Variants in EPHA6 observed in about 807,000 individuals in gnomAD.
EPHA6 encodes the protein EPH receptor A6.
In EPHA6, 50 loss-of-function variants were observed where a neutral mutation model predicts 112.0. The ratio of observed to expected loss-of-function variants is 0.45; its 90% CI spans 0.36 to 0.56. The LOEUF (loss-of-function observed/expected upper bound fraction) is 0.56, where lower values mean the gene tolerates loss of function less well. Ranked by LOEUF, EPHA6 falls within the 20% of genes least tolerant of loss-of-function variation. The probability of loss-of-function intolerance (pLI) is 0.00; values close to 1 mark genes in which losing one functional copy is unlikely to be tolerated. For missense variants in EPHA6, 1,280 were observed against 1,417.4 expected (o/e 0.90, Z 1.56); for synonymous variants, 529 against 490.7 (o/e 1.08, Z -1.03).
chr3:97,477,432 G>GAA (rs1414855230), intron 8 of EPHA6, among the ~76,000 whole-genome samples: 1,846 of 129,996 alleles, frequency 0.014, 35 homozygotes, highest in African/African-American at 0.048. Context: ...AAGAGAAAGA[G>GAA]AGAGGAAGGG....
chr3:97,324,424 T>TCTTTCTTTCTTC (rs1559883717), intron 5 of EPHA6, among the ~76,000 whole-genome samples: 1 of 144,486 alleles, frequency 6.9e-6, no homozygotes, highest in Non-Finnish European at 1.5e-5. Flanking sequence ...TTTCTTTCTT[T>TCTTTCTTTCTTC]CTTTCTTTCT....
intron 10 of EPHA6, among the ~76,000 whole-genome samples, chr3:97,510,396 TG>T (rs1366994124): frequency 6.6e-5 from 10 of 152,196 alleles, no homozygotes; most frequent in African/African-American, 2.4e-4. Flanking sequence ...TTGTTGGTGT[TG>T]ATGCTACTCC....
intron 14 of EPHA6, among the ~76,000 whole-genome samples, chr3:97,643,678 A>T (rs1051350007): frequency 2.6e-5 from 4 of 152,092 alleles, no homozygotes; most frequent in Admixed American, 1.3e-4. Context: ...ACCAACAAAG[A>T]TCAAAAGAGA....
chr3:97,121,626 A>G (rs1437314597), intron 3 of EPHA6, among the ~76,000 whole-genome samples: 7 of 152,088 alleles, frequency 4.6e-5, no homozygotes, highest in African/African-American at 1.7e-4. Context: ...CCTTGCTCAA[A>G]GGCAGACACT....
At chr3:97,713,793 AG>A (rs1290747171) in intron 14 of EPHA6, among the ~76,000 whole-genome samples, 3 of 152,244 alleles carry the variant, frequency 2.0e-5, no homozygotes, top group Admixed American at 2.0e-4. Context: ...AATCCTTATC[AG>A]GCTGGTCAAG....
At chr3:97,598,223 A>G (rs2093610632) in intron 12 of EPHA6, among the ~76,000 whole-genome samples, 1 of 151,674 alleles carries the variant, frequency 6.6e-6, no homozygotes, top group African/African-American at 2.4e-5. Flanking sequence ...TTATTTAAAA[A>G]CAAGAGATGA....
intron 5 of EPHA6, among the ~76,000 whole-genome samples, chr3:97,330,243 A>C (rs1482969809): frequency 6.6e-6 from 1 of 152,166 alleles, no homozygotes; most frequent in Non-Finnish European, 1.5e-5. Flanking sequence ...GTTTGAAGTC[A>C]GGTAGCCTGA....
intron 2 of EPHA6, among the ~76,000 whole-genome samples, chr3:96,902,552 C>A (rs902960851): frequency 6.6e-6 from 1 of 152,110 alleles, no homozygotes; most frequent in African/African-American, 2.4e-5. Context: ...GCTACAGGAA[C>A]CTTGGAACCC....
At chr3:97,372,658 A>G (rs2085124944) in intron 5 of EPHA6, among the ~76,000 whole-genome samples, 1 of 152,172 alleles carries the variant, frequency 6.6e-6, no homozygotes, top group Admixed American at 6.6e-5. Flanking sequence ...TACATTTGGG[A>G]ATTTAGAAGT....
At chr3:97,034,200 A>G (rs1001697183) in intron 3 of EPHA6, among the ~76,000 whole-genome samples, 5 of 151,964 alleles carry the variant, frequency 3.3e-5, no homozygotes, top group Non-Finnish European at 5.9e-5. Context: ...AATTATTCTG[A>G]TAAAAATGAA....
intron 5 of EPHA6, among the ~76,000 whole-genome samples, chr3:97,394,478 G>T (rs966802997): frequency 6.6e-6 from 1 of 151,684 alleles, no homozygotes; most frequent in Non-Finnish European, 1.5e-5. Context: ...ACAGAATGTA[G>T]AAAACACCTG....
At chr3:97,451,697 A>G (rs1337915615) in intron 7 of EPHA6, among the ~76,000 whole-genome samples, 2 of 151,808 alleles carry the variant, frequency 1.3e-5, no homozygotes, top group African/African-American at 4.8e-5. Flanking sequence ...GCATATGGAT[A>G]GGTTTCCCAT....
intron 10 of EPHA6, among the ~76,000 whole-genome samples, chr3:97,499,160 G>A (rs1040046991): frequency 6.6e-6 from 1 of 152,016 alleles, no homozygotes; most frequent in Non-Finnish European, 1.5e-5. Context: ...ATCCAACCTC[G>A]ATTCTTGTTC....
At chr3:97,165,940 G>C (rs1301751549) in intron 3 of EPHA6, among the ~76,000 whole-genome samples, 3 of 152,118 alleles carry the variant, frequency 2.0e-5, no homozygotes, top group African/African-American at 7.2e-5. Context: ...AAATACAGAT[G>C]CTTTTGGTTT....
At chr3:97,006,882 G>A (rs181197415) in intron 3 of EPHA6, among the ~76,000 whole-genome samples, 1 of 152,262 alleles carries the variant, frequency 6.6e-6, no homozygotes, top group East Asian at 1.9e-4. Flanking sequence ...TTCAGGAGCA[G>A]GTTGTTCAAT....
At chr3:96,826,837 A>T (rs1453378590) in intron 1 of EPHA6, among the ~76,000 whole-genome samples, 1 of 152,134 alleles carries the variant, frequency 6.6e-6, no homozygotes, top group Non-Finnish European at 1.5e-5. Context: ...ACTCATGCAC[A>T]CATTGGTCGG....
intron 14 of EPHA6, among the ~76,000 whole-genome samples, chr3:97,687,893 T>A (rs186439827): frequency 1.3e-5 from 2 of 152,316 alleles, no homozygotes. Context: ...CATGCCTGTC[T>A]GGAGGTACAG....
intron 11 of EPHA6, among the ~76,000 whole-genome samples, chr3:97,583,410 G>A (rs181836319): frequency 1.8e-3 from 278 of 151,904 alleles, no homozygotes; most frequent in African/African-American, 6.4e-3. Flanking sequence ...GTGGTGGTGG[G>A]CGCCTGTAGT....
intron 2 of EPHA6, among the ~76,000 whole-genome samples, chr3:96,979,232 C>T (rs140956997): frequency 0.012 from 1,718 of 140,776 alleles, 33 homozygotes; most frequent in African/African-American, 0.043. Flanking sequence ...CCACAGGCCC[C>T]GGTGTGTGAT....
Sources: allele counts gnomAD v4.1 joint callset (sites outside exome capture counted in the v4.1 genomes callset), GRCh38; gene constraint gnomAD v4.1.1; transcripts MANE v1.5; gene names NCBI Gene and HGNC (gene_info 2026-07-23, HGNC 2026-07-21).